Variants in NCR3LG1 observed in about 807,000 individuals in gnomAD.
NCR3LG1 encodes the protein natural killer cell cytotoxicity receptor 3 ligand 1.
NCR3LG1 carries 35 observed loss-of-function variants against 34.8 expected under a neutral mutation model. The observed-to-expected ratio is 1.01, with a 90% confidence interval of 0.77 to 1.33. NCR3LG1 has a LOEUF of 1.33. NCR3LG1 is among the 40% of genes most tolerant of loss of function. The probability of loss-of-function intolerance (pLI) is 0.00; values close to 1 mark genes in which losing one functional copy is unlikely to be tolerated. For synonymous variants in NCR3LG1, 173 were observed against 163.6 expected (o/e 1.06, Z -0.44); for missense variants, 452 against 423.3 (o/e 1.07, Z -0.60).
chr11:17,360,482 T>C (rs966399005), intron 2 of NCR3LG1, among the ~76,000 whole-genome samples: 1 of 152,212 alleles, frequency 6.6e-6, no homozygotes, highest in African/African-American at 2.4e-5. Context: ...GCTACCTAGA[T>C]TTTCTCCTGT....
Position 17,372,182 on chromosome 11 carries a change from T to G in NCR3LG1, c.1035T>G (p.Ile345Met), listed in dbSNP as rs766660731. The change falls in exon 5 of 5, where the codon ATT becomes ATG. Residue 345 changes from isoleucine to methionine, a missense_variant. By Grantham distance (10) the Ile-to-Met change is conservative (BLOSUM62 1). Transcript: ENST00000338965. Reference protein sequence around the residue: ...EAWPPEGSVNINTIQQLDVFC... With the variant: ...EAWPPEGSVNMNTIQQLDVFC... ...GGCCTCCTGAGGGAAGTGTTAATAT[T>G]AATACTATTCAACAACTAGATGTTT... 17 of 703,002 alleles carry G rather than the reference T, an allele frequency of 2.4e-5. 1 individual carries two copies. In the South Asian group the frequency reaches 2.5e-4, roughly 10 times the overall value. 43.5% of individuals were successfully genotyped at this position (703,002 alleles called of 1,614,324 possible). A position where few individuals can be genotyped will look rare whatever the true frequency, so the allele number is the denominator to read the frequency against.
At chr11:17,356,037 A>G (rs7480778) in intron 1 of NCR3LG1, among the ~76,000 whole-genome samples, 72,717 of 151,752 alleles carry the variant, frequency 0.48, 22,249 homozygotes, top group African/African-American at 0.86. Context: ...CTGGGCTCAA[A>G]CGATCCTCTG....
chr11:17,372,257 C>T lies in NCR3LG1; in HGVS notation c.1110C>T (p.Phe370=). The change falls in exon 5 of 5, where the codon TTC becomes TTT. Residue 370 remains phenylalanine (F), a synonymous_variant. Coordinates refer to ENST00000338965, the MANE Select transcript of NCR3LG1 (RefSeq NM_001202439.3). ...KWSEVPYVQA[F]FALRDNPDLC... ...CCGAGGTTCCTTATGTGCAAGCCTT[C>T]TTTGCCTTGCGAGACAACCCAGATC... 1 of 703,172 alleles carries T rather than the reference C, an allele frequency of 1.4e-6. No individual in the cohort carries two copies. Among genetic ancestry groups the T allele is most frequent in the Non-Finnish European group, 2.6e-6 (1 of 385,040 alleles). 43.6% of individuals were successfully genotyped at this position (703,172 alleles called of 1,614,324 possible). A position where few individuals can be genotyped will look rare whatever the true frequency, so the allele number is the denominator to read the frequency against.
chr11:17,372,695 C>T lies in NCR3LG1; in HGVS notation c.*183C>T, dbSNP rs1398630715. On this transcript the variant is annotated 3_prime_UTR_variant, in exon 5 of 5. Transcript: ENST00000338965. ...TGTTATGTTGCTCTTAAACTCTTAA[C>T]TACTACAGAGAAACAGGTAGCCCTG... The T allele has an allele frequency of 5.5e-6, 3 of 541,062 alleles. No individual in the cohort carries two copies. The highest frequency in any genetic ancestry group is 1.9e-5 in the African/African-American group (1 of 53,204). The allele number at this position is 541,062 out of a possible 1,614,324, so 33.5% of individuals were successfully genotyped here.
At chr11:17,370,665 G>A (rs1285872596) in intron 4 of NCR3LG1, among the ~76,000 whole-genome samples, 1 of 152,178 alleles carries the variant, frequency 6.6e-6, no homozygotes, top group Non-Finnish European at 1.5e-5. Context: ...GCTAGAAGGA[G>A]GTCCTGGGGC....
At chr11:17,380,075 G>A (rs1953505914), downstream of NCR3LG1, among the ~76,000 whole-genome samples, 1 of 152,162 alleles carries the variant, frequency 6.6e-6, no homozygotes, top group Non-Finnish European at 1.5e-5. Context: ...ACTATATCCC[G>A]AGATCTCCAG....
At position 17,352,050 on chromosome 11, in the gene NCR3LG1, G is replaced by A; in HGVS notation, c.70+11G>A. 2.8e-6 allele frequency: 4 copies of A among 1,440,172 alleles called. No individual in the cohort carries two copies. Among genetic ancestry groups the A allele is most frequent in the South Asian group, 1.3e-5 (1 of 78,832 alleles). 89.2% of individuals were successfully genotyped at this position (1,440,172 alleles called of 1,614,324 possible). The stretch of plus-strand genomic sequence containing the variant: ...CGCTGACGACCGAAGGTAGGGGGCG[G>A]CTGGGGTGGGCTGGGGCGGGGGCTC... On this transcript the variant is annotated intron_variant, in intron 1 of 4. Transcript: ENST00000338965.
In NCR3LG1 at chr11:17,356,668, A is replaced by G. The variant is rs1156762766; in HGVS notation, c.88A>G (p.Met30Val). The G allele has an allele frequency of 6.5e-7, 1 of 1,533,744 alleles. No homozygotes were observed. The highest frequency in any genetic ancestry group is 8.7e-7 in the Non-Finnish European group (1 of 1,145,530). Residue 30 changes from methionine to valine, a missense_variant, in exon 2 of 5, where the codon ATG becomes GTG. Met to Val is a conservative substitution (Grantham distance 21). Transcript: ENST00000338965. ...TGCCACAGGTGATCTGAAAGTAGAG[A>G]TGATGGCAGGGGGGACTCAGATCAC... Reference protein sequence around the residue: ...LTTEGDLKVEMMAGGTQITPL... With the variant: ...LTTEGDLKVEVMAGGTQITPL...
chr11:17,362,362 A>G lies in NCR3LG1; in HGVS notation c.422-4647A>G, dbSNP rs573154498. 1.7e-4 allele frequency among the ~76,000 whole-genome samples: 26 copies of G among 152,166 alleles called. No homozygotes were observed. The South Asian group carries it at 4.8e-3, about 28-fold the overall frequency. Reference sequence around the variant, plus strand: ...AATTTTTTCTGTATTGTTGGATTATATTTGCTAATATTTTCTTGAGGATTT... The same window carrying G: ...AATTTTTTCTGTATTGTTGGATTATGTTTGCTAATATTTTCTTGAGGATTT... On this transcript the variant is annotated intron_variant, in intron 2 of 4. Coordinates refer to ENST00000338965, the MANE Select transcript of NCR3LG1 (RefSeq NM_001202439.3).
chr11:17,363,822 C>T (rs1025977430), intron 2 of NCR3LG1, among the ~76,000 whole-genome samples: 2 of 151,948 alleles, frequency 1.3e-5, no homozygotes, highest in African/African-American at 4.8e-5. Flanking sequence ...GCCTCGAACT[C>T]CTGAGCTCAA....
chr11:17,364,674 G>A (rs918850437), intron 2 of NCR3LG1, among the ~76,000 whole-genome samples: 3 of 152,066 alleles, frequency 2.0e-5, no homozygotes, highest in African/African-American at 7.2e-5. Context: ...AGCCTCCCAA[G>A]TAGCTGGGAT....
At chr11:17,381,166 C>G (rs1953511432), downstream of NCR3LG1, 2 of 152,312 alleles carry the variant, frequency 1.3e-5, no homozygotes, top group African/African-American at 4.8e-5. Flanking sequence ...GGTAATCACC[C>G]CTCATTACTC....
Position 17,366,278 on chromosome 11 carries a change from G to C in NCR3LG1, c.422-731G>C, listed in dbSNP as rs1194533720. 1.1e-4 allele frequency among the ~76,000 whole-genome samples: 16 copies of C among 152,146 alleles called. 1 individual carries two copies. Among genetic ancestry groups the C allele is most frequent in the Admixed American group, 9.8e-4 (15 of 15,272 alleles). ...TTTGGAAATGGCTTATCCATCTCCA[G>C]TCATCACATAGTATTCCAAACATTC... On this transcript the variant is annotated intron_variant, in intron 2 of 4. Transcript: ENST00000338965.
chr11:17,363,809 C>G (rs945759240), intron 2 of NCR3LG1, among the ~76,000 whole-genome samples: 2 of 151,944 alleles, frequency 1.3e-5, no homozygotes, highest in African/African-American at 4.8e-5. Flanking sequence ...GTTGCCCAGG[C>G]TGGCCTCGAA....
At chr11:17,361,415 GTAGCTGGGAT>G (rs1173480363) in intron 2 of NCR3LG1, among the ~76,000 whole-genome samples, 2 of 151,834 alleles carry the variant, frequency 1.3e-5, no homozygotes, top group Non-Finnish European at 2.9e-5. Flanking sequence ...AGCCTCCCGA[GTAGCTGGGAT>G]TACGGGCATG....
rs892244191 is a variant in NCR3LG1 at position 17,377,182 on chromosome 11, G to A, written c.*4670G>A. 2 of 152,022 alleles carry A rather than the reference G, an allele frequency of 1.3e-5. No individual in the cohort carries two copies. Among genetic ancestry groups the A allele is most frequent in the African/African-American group, 4.8e-5 (2 of 41,362 alleles). 9.4% of individuals were successfully genotyped at this position (152,022 alleles called of 1,614,324 possible). On this transcript the variant is annotated 3_prime_UTR_variant, in exon 5 of 5. Transcript: ENST00000338965. ...GGGCATATCGTGTCCCTGGTCTTTT[G>A]AAACTCCATTTGTCGGCCAGGTGTG...
intron 2 of NCR3LG1, among the ~76,000 whole-genome samples, chr11:17,363,249 C>T (rs1953302719): frequency 6.6e-6 from 1 of 151,720 alleles, no homozygotes; most frequent in African/African-American, 2.4e-5. Context: ...TTTTATGTTT[C>T]TCGCACAGCA....
chr11:17,360,133 T>G (rs1342365612), intron 2 of NCR3LG1, among the ~76,000 whole-genome samples: 1 of 152,210 alleles, frequency 6.6e-6, no homozygotes, highest in Non-Finnish European at 1.5e-5. Flanking sequence ...CTTGAACTCC[T>G]GGGCTCAAAT....
intron 2 of NCR3LG1, among the ~76,000 whole-genome samples, chr11:17,359,919 A>T (rs1209015955): frequency 2.6e-5 from 4 of 151,376 alleles, no homozygotes; most frequent in Non-Finnish European, 4.4e-5. Flanking sequence ...CTTACTTGCC[A>T]TTCGTATGTC....
Sources: gnomAD v4.1 joint callset for allele counts (sites outside exome capture counted in the v4.1 genomes callset) on GRCh38, gnomAD v4.1.1 for gene constraint, MANE v1.5 for transcripts, NCBI Gene and HGNC (gene_info 2026-07-23, HGNC 2026-07-21) for gene names.